The following SDC2 variants were observed in gnomAD, a reference collection of about 807,000 sequenced individuals.
SDC2 encodes syndecan 2.
A neutral mutation model predicts 22.2 loss-of-function variants in SDC2; 13 were observed. The observed-to-expected ratio is 0.59, with a 90% CI of 0.38 to 0.93. SDC2 has a LOEUF of 0.93. Among genes scored for constraint, SDC2 ranks in the 40% least tolerant of loss-of-function variants. The pLI, the probability that SDC2 is intolerant of heterozygous loss-of-function variation, is 0.00. For missense variants in SDC2, 235 were observed against 246.8 expected, an observed-to-expected ratio of 0.95 and a Z score of 0.32; for synonymous variants, 94 against 92.8, an observed-to-expected ratio of 1.01 and a Z score of -0.07.
At chr8:96,558,256 G>A (rs1814152657) in intron 1 of SDC2, among the ~76,000 whole-genome samples, 1 of 152,068 alleles carries the variant, frequency 6.6e-6, no homozygotes, top group Admixed American at 6.6e-5. Flanking sequence ...GAGGGGGTTG[G>A]GGATTCTGGC....
chr8:96,550,117 A>G (rs1223747713), intron 1 of SDC2, among the ~76,000 whole-genome samples: 1 of 152,228 alleles, frequency 6.6e-6, no homozygotes, highest in Non-Finnish European at 1.5e-5. Context: ...TTACAAATGA[A>G]TAAGTATAAT....
intron 1 of SDC2, among the ~76,000 whole-genome samples, chr8:96,567,656 C>T (rs1814323263): frequency 6.6e-6 from 1 of 152,194 alleles, no homozygotes; most frequent in South Asian, 2.1e-4. Flanking sequence ...CCAGTTCCAT[C>T]CAAGTTGCTG....
intron 1 of SDC2, among the ~76,000 whole-genome samples, chr8:96,578,685 CCT>C (rs1158434408): frequency 3.3e-5 from 5 of 152,192 alleles, no homozygotes; most frequent in African/African-American, 1.2e-4. Flanking sequence ...TGAAATGCCC[CCT>C]GTGTGACAGC....
intron 1 of SDC2, among the ~76,000 whole-genome samples, chr8:96,535,270 G>A (rs1439028925): frequency 6.6e-6 from 1 of 152,126 alleles, no homozygotes; most frequent in East Asian, 1.9e-4. Context: ...GCCTCCCAAA[G>A]TGCCGGGATT....
At chr8:96,571,131 A>G (rs1198576293) in intron 1 of SDC2, among the ~76,000 whole-genome samples, 2 of 152,232 alleles carry the variant, frequency 1.3e-5, no homozygotes, top group Non-Finnish European at 2.9e-5. Flanking sequence ...TGTGACTACT[A>G]GAAAATTTTA....
At chr8:96,571,161 G>A (rs1371309573) in intron 1 of SDC2, among the ~76,000 whole-genome samples, 4 of 152,216 alleles carry the variant, frequency 2.6e-5, no homozygotes, top group East Asian at 1.9e-4. Context: ...CGTGGCTTGC[G>A]TCATACTTCT....
intron 4 of SDC2, 31 bp downstream of exon 4, chr8:96,608,501 G>A: frequency 6.3e-7 from 1 of 1,595,366 alleles, no homozygotes; most frequent in Non-Finnish European, 8.5e-7. Context: ...CAGGTGGGAG[G>A]GTGCCTACAT....
intron 1 of SDC2, among the ~76,000 whole-genome samples, chr8:96,528,428 A>G (rs2130477053): frequency 6.6e-6 from 1 of 152,308 alleles, no homozygotes; most frequent in Admixed American, 6.5e-5. Flanking sequence ...CCTCTCATAA[A>G]ATTAAGAAAG....
chr8:96,527,693 A>G (rs1183992124), intron 1 of SDC2, among the ~76,000 whole-genome samples: 1 of 152,184 alleles, frequency 6.6e-6, no homozygotes, highest in Non-Finnish European at 1.5e-5. Flanking sequence ...CTGGGAATCA[A>G]CATATTTGGG....
chr8:96,592,194 C>A (rs984549143), intron 1 of SDC2, among the ~76,000 whole-genome samples: 1 of 152,148 alleles, frequency 6.6e-6, no homozygotes, highest in African/African-American at 2.4e-5. Flanking sequence ...GGCACTGAGG[C>A]CTGGTGGAGA....
chr8:96,542,444 G>A (rs1013874085), intron 1 of SDC2, among the ~76,000 whole-genome samples: 2 of 152,172 alleles, frequency 1.3e-5, no homozygotes, highest in Non-Finnish European at 2.9e-5. Flanking sequence ...AAGCTGACAT[G>A]GCTAATGCCT....
chr8:96,583,367 A>G (rs937243497), intron 1 of SDC2, among the ~76,000 whole-genome samples: 5 of 138,834 alleles, frequency 3.6e-5, no homozygotes, highest in Admixed American at 2.3e-4. Context: ...TATATTATAT[A>G]TCATATATAA....
intron 1 of SDC2, among the ~76,000 whole-genome samples, chr8:96,567,060 G>T (rs1238712299): frequency 6.6e-6 from 1 of 152,170 alleles, no homozygotes; most frequent in Non-Finnish European, 1.5e-5. Context: ...CGCCATGTTG[G>T]CCAGGCTGGC....
At chr8:96,539,540 A>T (rs961949104) in intron 1 of SDC2, among the ~76,000 whole-genome samples, 1 of 152,244 alleles carries the variant, frequency 6.6e-6, no homozygotes, top group African/African-American at 2.4e-5. Flanking sequence ...GTAAACATCA[A>T]TCTCTAAATG....
At chr8:96,595,957 C>T (rs1814867445) in intron 2 of SDC2, among the ~76,000 whole-genome samples, 1 of 152,212 alleles carries the variant, frequency 6.6e-6, no homozygotes, top group Non-Finnish European at 1.5e-5. Flanking sequence ...TCGTTCTTGA[C>T]TTTGGAAACC....
intron 1 of SDC2, among the ~76,000 whole-genome samples, chr8:96,566,562 T>C (rs1159531286): frequency 1.3e-5 from 2 of 152,118 alleles, no homozygotes; most frequent in Non-Finnish European, 1.5e-5. Flanking sequence ...CTCATACTTA[T>C]TAGTTTTATG....
At chr8:96,599,006 A>AACC (rs1031747998) in intron 2 of SDC2, among the ~76,000 whole-genome samples, 22 of 134,372 alleles carry the variant, frequency 1.6e-4, no homozygotes, top group African/African-American at 5.4e-4. Context: ...CAGTGGTGGT[A>AACC]TCCCAGCTCA....
chr8:96,549,849 G>A (rs1813998197), intron 1 of SDC2, among the ~76,000 whole-genome samples: 1 of 152,184 alleles, frequency 6.6e-6, no homozygotes, highest in South Asian at 2.1e-4. Flanking sequence ...CCTAGAAACT[G>A]TTATAATGTG....
chr8:96,517,264 A>G (rs1813415612), intron 1 of SDC2, among the ~76,000 whole-genome samples: 1 of 152,110 alleles, frequency 6.6e-6, no homozygotes, highest in Non-Finnish European at 1.5e-5. Context: ...GTCTATTCAG[A>G]TGTCTATTCT....
Sources: gnomAD v4.1 joint callset for allele counts (sites outside exome capture counted in the v4.1 genomes callset) on GRCh38, gnomAD v4.1.1 for gene constraint, MANE v1.5 for transcripts, NCBI Gene and HGNC (gene_info 2026-07-23, HGNC 2026-07-21) for gene names.